The following MTMR2 variants were observed in gnomAD, a reference collection of about 807,000 sequenced individuals.
MTMR2 encodes the protein myotubularin related protein 2, also known as phosphatidylinositol-3,5-bisphosphate 3-phosphatase MTMR2.
Under a neutral mutation model 86.9 loss-of-function variants are expected in MTMR2, and 55 were observed. That is an observed-to-expected ratio of 0.63 (90% CI 0.51 to 0.79). The LOEUF (loss-of-function observed/expected upper bound fraction) is 0.79, where lower values mean the gene tolerates loss of function less well. Ranked by LOEUF, MTMR2 falls within the 30% of genes least tolerant of loss-of-function variation. The pLI is 0.00. For synonymous variants in MTMR2, 241 were observed against 266.8 expected, an observed-to-expected ratio of 0.90 and a Z score of 0.94; for missense variants, 659 against 772.3, an observed-to-expected ratio of 0.85 and a Z score of 1.74.
chr11:95,848,165 A>C, intron 9 of MTMR2, among the ~76,000 whole-genome samples: 1 of 152,198 alleles, frequency 6.6e-6, no homozygotes. Flanking sequence ...GAAGGTATTT[A>C]AACACTGTAA....
At chr11:95,876,199 TGGAG>T (rs1328953843) in intron 2 of MTMR2, among the ~76,000 whole-genome samples, 2 of 152,168 alleles carry the variant, frequency 1.3e-5, no homozygotes, top group Admixed American at 1.3e-4. Flanking sequence ...CCCCCAGAGG[TGGAG>T]TCTTCAGAGG....
chr11:95,899,178 C>A (rs1484240057), intron 1 of MTMR2, among the ~76,000 whole-genome samples: 1 of 151,958 alleles, frequency 6.6e-6, no homozygotes, highest in Non-Finnish European at 1.5e-5. Context: ...GTACTGAGAG[C>A]CTAAACTAGC....
chr11:95,856,017 T>C (rs545814168), intron 7 of MTMR2, among the ~76,000 whole-genome samples: 2 of 152,164 alleles, frequency 1.3e-5, no homozygotes, highest in South Asian at 4.1e-4. Flanking sequence ...ACATCTCAAT[T>C]TAAAAAAAAG....
intron 1 of MTMR2, among the ~76,000 whole-genome samples, chr11:95,917,778 T>G (rs1037588579): frequency 2.6e-5 from 4 of 152,206 alleles, no homozygotes; most frequent in Non-Finnish European, 5.9e-5. Context: ...CTCATCATGT[T>G]GCACATGCTG....
intron 2 of MTMR2, chr11:95,887,778 A>G: frequency 4.4e-6 from 1 of 228,466 alleles, no homozygotes; most frequent in Non-Finnish European, 8.6e-6. Context: ...TGGTGACAGA[A>G]TTGGTCAGAG....
rs965719977 is a variant in MTMR2, at chr11:95,915,433, T to C, written c.80+8442A>G. On this transcript the variant is annotated intron_variant, in intron 1 of 14. Transcript: ENST00000346299. The stretch of plus-strand genomic sequence containing the variant: ...GTTTTATCAATCCAAAGGAGACTTA[T>C]ATACATATGCTCTTCTATTCACATC... 7.2e-5 allele frequency among the ~76,000 whole-genome samples: 11 copies of C among 152,182 alleles called. No homozygotes were observed. The East Asian group carries it at 1.7e-3, about 24-fold the overall frequency.
At chr11:95,851,376 T>A (rs773453004) in intron 7 of MTMR2, among the ~76,000 whole-genome samples, 38 of 151,794 alleles carry the variant, frequency 2.5e-4, no homozygotes, top group Admixed American at 5.3e-4. Context: ...TTATTTATTT[T>A]TTTGGAGACA....
chr11:95,855,015 G>A (rs1391228818), intron 7 of MTMR2, among the ~76,000 whole-genome samples: 7 of 151,398 alleles, frequency 4.6e-5, no homozygotes, highest in Non-Finnish European at 1.0e-4. Flanking sequence ...TCACCATGTT[G>A]CCCAGGCTTG....
At chr11:95,890,144 A>G (rs949562515) in intron 1 of MTMR2, among the ~76,000 whole-genome samples, 1 of 152,256 alleles carries the variant, frequency 6.6e-6, no homozygotes, top group Non-Finnish European at 1.5e-5. Flanking sequence ...TGCAAACACA[A>G]CATAGTATTT....
intron 1 of MTMR2, among the ~76,000 whole-genome samples, chr11:95,906,285 G>C (rs184139951): frequency 1.8e-4 from 27 of 151,966 alleles, no homozygotes; most frequent in Admixed American, 1.6e-3. Context: ...AGACAAAGAA[G>C]GGCATTATAT....
intron 3 of MTMR2, among the ~76,000 whole-genome samples, chr11:95,864,042 G>A (rs912463140): frequency 6.6e-6 from 1 of 152,132 alleles, no homozygotes; most frequent in Non-Finnish European, 1.5e-5. Context: ...CTGAGAGAGA[G>A]AATGCAAGAA....
intron 2 of MTMR2, among the ~76,000 whole-genome samples, chr11:95,879,173 A>G (rs1865231813): frequency 6.6e-6 from 1 of 152,196 alleles, no homozygotes; most frequent in Admixed American, 6.5e-5. Context: ...AGAGGTAAAA[A>G]TGTGGGAGTC....
At chr11:95,843,631 A>C (rs377602926) in intron 11 of MTMR2, among the ~76,000 whole-genome samples, 9 of 152,304 alleles carry the variant, frequency 5.9e-5, no homozygotes, top group African/African-American at 1.9e-4. Flanking sequence ...AAAACATAAC[A>C]GATTGAAGGT....
At chr11:95,905,363 ACACAC>A (rs772490600) in intron 1 of MTMR2, among the ~76,000 whole-genome samples, 9 of 147,174 alleles carry the variant, frequency 6.1e-5, no homozygotes, top group Non-Finnish European at 1.1e-4. Context: ...ACACACACAC[ACACAC>A]AACACAACAC....
intron 1 of MTMR2, among the ~76,000 whole-genome samples, chr11:95,906,644 C>A (rs1322084764): frequency 6.6e-6 from 1 of 152,130 alleles, no homozygotes; most frequent in Non-Finnish European, 1.5e-5. Flanking sequence ...AGCCATAAAA[C>A]AATGCTCAAC....
At chr11:95,856,331 T>TC (rs1864211652) in intron 7 of MTMR2, among the ~76,000 whole-genome samples, 1 of 118,432 alleles carries the variant, frequency 8.4e-6, no homozygotes, top group South Asian at 2.5e-4. Context: ...TATTACCACT[T>TC]CCTTTTTTTT....
intron 1 of MTMR2, among the ~76,000 whole-genome samples, chr11:95,915,475 T>C (rs1866663454): frequency 1.3e-5 from 2 of 152,164 alleles, no homozygotes; most frequent in South Asian, 4.1e-4. Context: ...ATAAACTCCT[T>C]ATGTTTGAAA....
chr11:95,888,388 A>G (rs1865589761), intron 1 of MTMR2, 127 bp from the exon 2 acceptor site: 13 of 684,184 alleles, frequency 1.9e-5, no homozygotes, highest in South Asian at 1.8e-4. Flanking sequence ...TGCTTTGCCT[A>G]TTCAATCTTA....
intron 9 of MTMR2, among the ~76,000 whole-genome samples, 195 bp from the exon 10 acceptor site, chr11:95,848,094 A>G (rs1157229663): frequency 6.6e-6 from 1 of 152,206 alleles, no homozygotes; most frequent in African/African-American, 2.4e-5. Context: ...TACAAAATGA[A>G]TATATACGTA....
Sources: gnomAD v4.1 joint callset for allele counts (sites outside exome capture counted in the v4.1 genomes callset) on GRCh38, gnomAD v4.1.1 for gene constraint, MANE v1.5 for transcripts, NCBI Gene and HGNC (gene_info 2026-07-23, HGNC 2026-07-21) for gene names.